LRRC7: variants seen among roughly 807,000 people sequenced by gnomAD.
LRRC7 encodes leucine rich repeat containing 7.
A neutral mutation model predicts 175.7 loss-of-function variants in LRRC7; 23 were observed. The ratio of observed to expected loss-of-function variants is 0.13; its 90% confidence interval spans 0.09 to 0.19. LRRC7 has a LOEUF of 0.19. Among genes scored for constraint, LRRC7 ranks in the 10% least tolerant of loss-of-function variants. The pLI is 1.00. For missense variants in LRRC7, 1,354 were observed against 1,904.7 expected, an observed-to-expected ratio of 0.71 and a Z score of 5.38; for synonymous variants, 685 against 680.9, an observed-to-expected ratio of 1.01 and a Z score of -0.09.
At chr1:69,787,691 C>T (rs551488001) in intron 3 of LRRC7, among the ~76,000 whole-genome samples, 4 of 152,224 alleles carry the variant, frequency 2.6e-5, no homozygotes, top group Non-Finnish European at 4.4e-5. Context: ...GAGAGGCTGC[C>T]GCAAAGGTCT....
At chr1:70,011,970 C>A (rs1462545838) in intron 12 of LRRC7, 44 bp downstream of exon 12, 3 of 1,449,674 alleles carry the variant, frequency 2.1e-6, no homozygotes, top group Non-Finnish European at 2.9e-6. Flanking sequence ...TTTAATTAAT[C>A]TGTTTTGGAG....
intron 24 of LRRC7, among the ~76,000 whole-genome samples, chr1:70,078,183 C>A (rs1015714577): frequency 1.3e-5 from 2 of 151,884 alleles, no homozygotes; most frequent in Admixed American, 1.3e-4. Flanking sequence ...TCACATGCAC[C>A]CCATGAATAT....
chr1:69,891,210 AC>A (rs1445592883), intron 7 of LRRC7, among the ~76,000 whole-genome samples: 1 of 152,224 alleles, frequency 6.6e-6, no homozygotes, highest in Non-Finnish European at 1.5e-5. Context: ...AAAGTGGAAG[AC>A]CCACAAATCT....
chr1:69,653,912 A>C (rs1285409299), intron 1 of LRRC7, among the ~76,000 whole-genome samples: 1 of 152,082 alleles, frequency 6.6e-6, no homozygotes, highest in East Asian at 1.9e-4. Flanking sequence ...AAATAGTCAA[A>C]CACATAGAAA....
chr1:70,088,858 G>T (rs143095532), intron 24 of LRRC7, among the ~76,000 whole-genome samples: 3 of 152,196 alleles, frequency 2.0e-5, no homozygotes, highest in African/African-American at 7.2e-5. Flanking sequence ...TTTTACTACA[G>T]CCTTATCCCA....
rs1666560507 is a variant in LRRC7 at position 70,129,071 on chromosome 1, C to A, written c.*7184C>A. Among the ~76,000 whole-genome samples the A allele has an allele frequency of 6.6e-6, 1 of 151,916 alleles. No individual in the cohort carries two copies. The highest frequency in any genetic ancestry group is 1.5e-5 in the Non-Finnish European group (1 of 67,990). On this transcript the variant is annotated 3_prime_UTR_variant, in exon 27 of 27. Coordinates refer to ENST00000651989, the MANE Select transcript of LRRC7 (RefSeq NM_001370785.2). ...TACCAGCCTGACCAACATGCTGAAACCTCATCTCTACTAAAAATATGAAAA... is the reference window on the plus strand; with the variant it reads ...TACCAGCCTGACCAACATGCTGAAAACTCATCTCTACTAAAAATATGAAAA...
intron 4 of LRRC7, among the ~76,000 whole-genome samples, chr1:69,804,497 A>T (rs1041150267): frequency 2.6e-5 from 4 of 151,554 alleles, no homozygotes; most frequent in African/African-American, 9.7e-5. Context: ...TCAGTAAAAG[A>T]TATTCTTTCT....
chr1:69,855,557 A>G (rs998968209), intron 7 of LRRC7, among the ~76,000 whole-genome samples: 9 of 152,118 alleles, frequency 5.9e-5, no homozygotes, highest in Non-Finnish European at 1.2e-4. Context: ...TATGTGGTCA[A>G]TTTTGGAATA....
At chr1:69,823,872 A>G (rs1679592783) in intron 4 of LRRC7, among the ~76,000 whole-genome samples, 2 of 152,202 alleles carry the variant, frequency 1.3e-5, no homozygotes, top group Non-Finnish European at 2.9e-5. Flanking sequence ...TTCAGAGTAG[A>G]AAACTAAGGC....
Position 70,039,520 on chromosome 1 carries a change from T to C in LRRC7, c.3696T>C (p.Leu1232=). The change falls in exon 21 of 27, where the codon CTT becomes CTC. Residue 1232 remains leucine, a synonymous_variant. Transcript: ENST00000651989. ...CGGGAAGTTTTCCGGTTAAAAACCTTACCCAAAGGAGGCCATTGTCTGCGA... is the reference window on the plus strand; with the variant it reads ...CGGGAAGTTTTCCGGTTAAAAACCTCACCCAAAGGAGGCCATTGTCTGCGA... ...AQAGSFPVKN[L]TQRRPLSARS... The C allele has an allele frequency of 2.5e-6, 4 of 1,614,128 alleles. No individual in the cohort carries two copies. The highest frequency in any genetic ancestry group is 3.4e-6 in the Non-Finnish European group (4 of 1,180,012).
chr1:69,626,367 T>C (rs1372275801), intron 1 of LRRC7, among the ~76,000 whole-genome samples: 2 of 143,410 alleles, frequency 1.4e-5, no homozygotes, highest in Non-Finnish European at 3.0e-5. Flanking sequence ...AACTCTCTGA[T>C]GCATTTACTT....
chr1:69,981,828 A>G (rs1425028551), intron 9 of LRRC7, among the ~76,000 whole-genome samples: 1 of 152,236 alleles, frequency 6.6e-6, no homozygotes, highest in Non-Finnish European at 1.5e-5. Context: ...ACCACGGGCT[A>G]AGCATTCTCT....
In LRRC7 at chr1:70,128,152, G is replaced by A. The variant is rs1043815669; in HGVS notation, c.*6265G>A. ...AATTTTTGTATTTTTAGTAGGGACA[G>A]GGTTTCACCGTGTTGGCCAGGCTGG... On this transcript the variant is annotated 3_prime_UTR_variant, in exon 27 of 27. Transcript: ENST00000651989. Among the ~76,000 whole-genome samples, 1 of 152,118 alleles carries A rather than the reference G, an allele frequency of 6.6e-6. No homozygotes were observed. Among genetic ancestry groups the A allele is most frequent in the Non-Finnish European group, 1.5e-5 (1 of 68,010 alleles).
chr1:69,734,630 T>G (rs1557663169), intron 2 of LRRC7, among the ~76,000 whole-genome samples: 2 of 151,992 alleles, frequency 1.3e-5, no homozygotes, highest in Non-Finnish European at 2.9e-5. Flanking sequence ...TTATAAATGA[T>G]TATGCATGAC....
intron 1 of LRRC7, among the ~76,000 whole-genome samples, chr1:69,585,755 C>A (rs1394354623): frequency 1.3e-5 from 2 of 152,160 alleles, no homozygotes; most frequent in African/African-American, 4.8e-5. Flanking sequence ...AAAACACTTG[C>A]ATCCTTTTAA....
At chr1:69,900,362 C>T (rs1451183111) in intron 7 of LRRC7, among the ~76,000 whole-genome samples, 1 of 152,154 alleles carries the variant, frequency 6.6e-6, no homozygotes, top group Non-Finnish European at 1.5e-5. Context: ...GTTTTAATAG[C>T]TTTTAAATTA....
In LRRC7 at chr1:69,936,959, C is replaced by G. The variant is rs114678274; in HGVS notation, c.711+5389C>G. Among the ~76,000 whole-genome samples the G allele has an allele frequency of 2.5e-3, 373 of 152,168 alleles. 3 individuals carry two copies. Among genetic ancestry groups the G allele is most frequent in the African/African-American group, 8.7e-3 (362 of 41,524 alleles). On this transcript the variant is annotated intron_variant, in intron 8 of 26. Coordinates refer to ENST00000651989, the MANE Select transcript of LRRC7 (RefSeq NM_001370785.2). The stretch of plus-strand genomic sequence containing the variant: ...TGAATATGTACCATGTTTTCTTTAT[C>G]CAGTCCACCATTGATAGGCATCTAG...
chr1:69,592,019 C>G (rs1245046), intron 1 of LRRC7, among the ~76,000 whole-genome samples: 1 of 151,972 alleles, frequency 6.6e-6, no homozygotes, highest in Non-Finnish European at 1.5e-5. Context: ...GAGGAAGGAA[C>G]TGATCTCTAG....
intron 21 of LRRC7, among the ~76,000 whole-genome samples, chr1:70,042,417 A>G (rs17131150): frequency 0.13 from 19,530 of 152,256 alleles, 1,730 homozygotes; most frequent in African/African-American, 0.24. Context: ...AGAAATTACA[A>G]GATCTCTGTC....
Sources: gnomAD v4.1 joint callset for allele counts (sites outside exome capture counted in the v4.1 genomes callset) on GRCh38, gnomAD v4.1.1 for gene constraint, MANE v1.5 for transcripts, NCBI Gene and HGNC (gene_info 2026-07-23, HGNC 2026-07-21) for gene names.